Variants in TACR1 observed in about 807,000 individuals in gnomAD.
The protein encoded by TACR1 is tachykinin receptor 1, also known as substance-P receptor.
A neutral mutation model predicts 35.8 loss-of-function variants in TACR1; 25 were observed. The ratio of observed to expected loss-of-function variants is 0.70; its 90% confidence interval spans 0.51 to 0.98. The LOEUF (loss-of-function observed/expected upper bound fraction) is 0.98. Among genes scored for constraint, TACR1 ranks in the 50% least tolerant of loss-of-function variants. The pLI, the probability that TACR1 is intolerant of heterozygous loss-of-function variation, is 0.00. For missense variants in TACR1, 478 were observed against 522.9 expected, an observed-to-expected ratio of 0.91 and a Z score of 0.84; for synonymous variants, 195 against 206.7, an observed-to-expected ratio of 0.94 and a Z score of 0.48.
intron 1 of TACR1, among the ~76,000 whole-genome samples, chr2:75,131,896 C>G (rs925276508): frequency 1.3e-5 from 2 of 152,082 alleles, no homozygotes; most frequent in Non-Finnish European, 2.9e-5. Flanking sequence ...AATTGTAAAT[C>G]AAAATATTTT....
At chr2:75,158,733 C>T (rs182426712) in intron 1 of TACR1, among the ~76,000 whole-genome samples, 122 of 152,192 alleles carry the variant, frequency 8.0e-4, no homozygotes, top group Non-Finnish European at 1.6e-3. Flanking sequence ...ATCAATATGC[C>T]CAGCATCGCA....
At chr2:75,051,089 G>T in intron 4 of TACR1, 162 bp downstream of exon 4, 2 of 862,588 alleles carry the variant, frequency 2.3e-6, no homozygotes, top group Non-Finnish European at 3.6e-6. Context: ...CCTGGATGGT[G>T]ATAATCAGCC....
chr2:75,061,086 G>T (rs1672663575), intron 2 of TACR1, among the ~76,000 whole-genome samples: 1 of 152,012 alleles, frequency 6.6e-6, no homozygotes, highest in South Asian at 2.1e-4. Context: ...ATTAGATTTG[G>T]GAGTCCTCAT....
In TACR1 at chr2:75,152,455, C is replaced by T. The variant is rs556141405; in HGVS notation, c.390-31687G>A. Among the ~76,000 whole-genome samples, 298 of 152,216 alleles carry T rather than the reference C, an allele frequency of 2.0e-3. 1 individual carries two copies. Among genetic ancestry groups the T allele is most frequent in the African/African-American group, 6.6e-3 (276 of 41,514 alleles). ...TTGCTTCTTCCTCATTTTCTTTTGC[C>T]GCTGCCAAGTAAGAAGTGTCTTTCA... On this transcript the variant is annotated intron_variant, in intron 1 of 4. Coordinates refer to ENST00000305249, the MANE Select transcript of TACR1 (RefSeq NM_001058.4).
intron 2 of TACR1, among the ~76,000 whole-genome samples, chr2:75,081,186 C>T (rs115300532): frequency 0.02 from 2,994 of 152,160 alleles, 101 homozygotes; most frequent in African/African-American, 0.068. Flanking sequence ...TATAGAAACA[C>T]GATGTAAATT....
At chr2:75,060,410 CT>C (rs1430654162) in intron 2 of TACR1, among the ~76,000 whole-genome samples, 6 of 152,122 alleles carry the variant, frequency 3.9e-5, no homozygotes, top group Admixed American at 2.6e-4. Context: ...AATTGCATGG[CT>C]AAGCCCTGAT....
intron 1 of TACR1, among the ~76,000 whole-genome samples, chr2:75,137,601 C>A (rs1182753787): frequency 6.6e-6 from 1 of 151,506 alleles, no homozygotes; most frequent in Non-Finnish European, 1.5e-5. Context: ...TGGTGGCGGG[C>A]GACTGTAGTC....
chr2:75,131,228 A>G (rs924375495), intron 1 of TACR1, among the ~76,000 whole-genome samples: 3 of 151,956 alleles, frequency 2.0e-5, no homozygotes, highest in Non-Finnish European at 4.4e-5. Flanking sequence ...AGCTGGGACT[A>G]CAGGTGCCCG....
intron 3 of TACR1, 55 bp from the exon 4 acceptor site, chr2:75,051,502 T>TG: frequency 6.2e-7 from 1 of 1,601,534 alleles, no homozygotes; most frequent in Non-Finnish European, 8.5e-7. Context: ...CTCTCACGGC[T>TG]GCTTCCTCTC....
At chr2:75,060,093 G>A (rs1251380248) in intron 2 of TACR1, among the ~76,000 whole-genome samples, 1 of 152,116 alleles carries the variant, frequency 6.6e-6, no homozygotes, top group Non-Finnish European at 1.5e-5. Flanking sequence ...TCTATATCTG[G>A]TCTGGTGCTA....
intron 2 of TACR1, among the ~76,000 whole-genome samples, chr2:75,107,099 G>C (rs1287841069): frequency 6.6e-6 from 1 of 151,774 alleles, no homozygotes; most frequent in Non-Finnish European, 1.5e-5. Context: ...CAAATCAGAG[G>C]TGTTACTATT....
intron 1 of TACR1, among the ~76,000 whole-genome samples, chr2:75,185,005 A>T (rs1380791013): frequency 1.3e-5 from 2 of 151,910 alleles, no homozygotes; most frequent in African/African-American, 2.4e-5. Flanking sequence ...GGTGTTTTAG[A>T]TTATGAATCC....
chr2:75,124,517 C>G (rs146137188), intron 1 of TACR1, among the ~76,000 whole-genome samples: 1 of 152,292 alleles, frequency 6.6e-6, no homozygotes, highest in Non-Finnish European at 1.5e-5. Context: ...TTCCTGAGTT[C>G]AGATAACCAG....
Position 75,197,973 on chromosome 2 carries a change from A to C in TACR1, c.389+573T>G, listed in dbSNP as rs115430962. 8.6e-3 allele frequency among the ~76,000 whole-genome samples: 1,304 copies of C among 152,044 alleles called. 15 individuals carry two copies. Among genetic ancestry groups the C allele is most frequent in the Middle Eastern group, 0.031 (9 of 292 alleles). ...GATGAAATGCTCTTTCACATCCAAA[A>C]CAAACAAACAAACAAACACAAACCA... On this transcript the variant is annotated intron_variant, in intron 1 of 4. Transcript: ENST00000305249.
At chr2:75,073,814 T>TG (rs11373142) in intron 2 of TACR1, among the ~76,000 whole-genome samples, 5,849 of 152,270 alleles carry the variant, frequency 0.038, 371 homozygotes, top group African/African-American at 0.13. Context: ...CACATAGGAA[T>TG]GCCACTTCTC....
At chr2:75,095,617 G>A (rs1259239561) in intron 2 of TACR1, among the ~76,000 whole-genome samples, 1 of 152,194 alleles carries the variant, frequency 6.6e-6, no homozygotes, top group Non-Finnish European at 1.5e-5. Context: ...GGCCTTAAAT[G>A]CTTAGGTAAA....
At chr2:75,166,855 C>A (rs1269648889) in intron 1 of TACR1, among the ~76,000 whole-genome samples, 1 of 152,192 alleles carries the variant, frequency 6.6e-6, no homozygotes. Flanking sequence ...AGTTCTAGGT[C>A]ATCCTGAGAT....
chr2:75,165,385 C>A (rs1331789562), intron 1 of TACR1, among the ~76,000 whole-genome samples: 1 of 151,978 alleles, frequency 6.6e-6, no homozygotes, highest in Non-Finnish European at 1.5e-5. Flanking sequence ...TCTCGGCTCA[C>A]TGCAAGCTCG....
At chr2:75,184,373 C>T (rs1426153468) in intron 1 of TACR1, among the ~76,000 whole-genome samples, 1 of 151,198 alleles carries the variant, frequency 6.6e-6, no homozygotes, top group Non-Finnish European at 1.5e-5. Flanking sequence ...GAAACATTAC[C>T]ATCACAGGTT....
Sources: gnomAD v4.1 joint callset for allele counts (sites outside exome capture counted in the v4.1 genomes callset) on GRCh38, gnomAD v4.1.1 for gene constraint, MANE v1.5 for transcripts, NCBI Gene and HGNC (gene_info 2026-07-23, HGNC 2026-07-21) for gene names.